Variants in TEX15 observed in about 807,000 individuals in gnomAD.
The protein encoded by TEX15 is testis expressed 15, meiosis and synapsis associated.
A neutral mutation model predicts 237.3 loss-of-function variants in TEX15; 171 were observed. The ratio of observed to expected loss-of-function variants is 0.72; its 90% CI spans 0.64 to 0.82. The LOEUF (loss-of-function observed/expected upper bound fraction) is 0.82, where lower values mean the gene tolerates loss of function less well. TEX15 is among the 40% of genes least tolerant of loss of function. TEX15 has a pLI of 0.00. For missense variants in TEX15, 3,750 were observed against 3,646.5 expected, an observed-to-expected ratio of 1.03 and a Z score of -0.73; for synonymous variants, 1,338 against 1,269.8, an observed-to-expected ratio of 1.05 and a Z score of -1.14.
chr8:30,846,153 A>G lies in TEX15; in HGVS notation c.4014T>C (p.Cys1338=), dbSNP rs1443770341. The change falls in exon 8 of 11, where the codon TGT becomes TGC. Residue 1338 remains cysteine, a synonymous_variant. Transcript: ENST00000643185. ...TTCGTCCTTGGGATAATGAAGAGAA[A>G]CACTCAGATGAGTCTTGACTGGTTA... is the stretch of plus-strand genomic sequence containing the variant. ...RRLTSQDSSE[C]FSSLSQGRIK... is the part of the protein sequence containing the mutation. 1 of 1,613,404 alleles carries G rather than the reference A, an allele frequency of 6.2e-7. No individual in the cohort carries two copies. Among genetic ancestry groups the G allele is most frequent in the Middle Eastern group, 1.6e-4 (1 of 6,082 alleles).
At chr8:30,882,769 T>A (rs1210834469) in intron 3 of TEX15, among the ~76,000 whole-genome samples, 2 of 152,230 alleles carry the variant, frequency 1.3e-5, no homozygotes, top group Middle Eastern at 3.2e-3. Flanking sequence ...ATTTTCTGAT[T>A]AGTTTTATCA....
rs750714621 is a variant in TEX15 at position 30,847,687 on chromosome 8, GTTTC to G, written c.2476_2479del (p.Glu826LeufsTer19). The G allele has an allele frequency of 1.2e-6, 2 of 1,613,824 alleles. No individual in the cohort carries two copies. The highest frequency in any genetic ancestry group is 8.5e-7 in the Non-Finnish European group (1 of 1,179,902). Reference sequence around the variant, plus strand: ...CTGACCCCTATCTTCAACATAAGCAGTTTCTTTATAGTCTCTCTGAATGTTCTCT... The same window carrying G: ...CTGACCCCTATCTTCAACATAAGCAGTTTATAGTCTCTCTGAATGTTCTCT... On this transcript the variant is annotated frameshift_variant, in exon 8 of 11. Coordinates refer to ENST00000643185, the MANE Select transcript of TEX15 (RefSeq NM_001350162.2). LOFTEE classifies it high-confidence loss of function.
Position 30,844,895 on chromosome 8 carries a change from C to T in TEX15, c.5272G>A (p.Glu1758Lys). Residue 1758 changes from glutamate (E) to lysine (K), a missense_variant, in exon 8 of 11, where the codon GAG (glutamate) becomes AAG (lysine). Physicochemically the swap from Glu to Lys is moderately conservative, Grantham distance 56. Transcript: ENST00000643185. ...FAASSTVPHC[E>K]QSCREKELLK... ...AGCTCTTTTTCTCTACAGCTCTGCT[C>T]ACAGTGTGGTACAGTACTGGATGCT... The T allele has an allele frequency of 1.9e-6, 3 of 1,613,454 alleles. No individual in the cohort carries two copies. The highest frequency in any genetic ancestry group is 2.5e-6 in the Non-Finnish European group (3 of 1,179,560).
chr8:30,841,655 T>C (rs1260085266), intron 8 of TEX15, among the ~76,000 whole-genome samples: 2 of 152,214 alleles, frequency 1.3e-5, no homozygotes, highest in Non-Finnish European at 2.9e-5. Context: ...ATAGGCTTGT[T>C]ATACAGAAAA....
chr8:30,901,700 T>A (rs1384365611), intron 1 of TEX15, among the ~76,000 whole-genome samples: 4 of 152,206 alleles, frequency 2.6e-5, no homozygotes, highest in African/African-American at 9.7e-5. Flanking sequence ...ATCAGTGTGG[T>A]AAGAGTTGGG....
At chr8:30,874,363 T>A (rs988483555) in intron 4 of TEX15, among the ~76,000 whole-genome samples, 1 of 152,216 alleles carries the variant, frequency 6.6e-6, no homozygotes, top group African/African-American at 2.4e-5. Flanking sequence ...TCTATACCTA[T>A]AATTAAAAAT....
chr8:30,888,650 G>A lies in TEX15; in HGVS notation c.-9-1339C>T, dbSNP rs973560593. ...ATTTTTCGTACCATTTCGTAACATG[G>A]TTGATGGCCCTCCTGACACCTATCA... On this transcript the variant is annotated intron_variant, in intron 2 of 10. Transcript: ENST00000643185. 5 of 1,289,414 alleles carry A rather than the reference G, an allele frequency of 3.9e-6. No individual in the cohort carries two copies. The East Asian group carries it at 2.8e-4, about 71-fold the overall frequency. 79.9% of individuals were successfully genotyped at this position (1,289,414 alleles called of 1,614,324 possible).
At chr8:30,900,024 G>A (rs943360276) in intron 1 of TEX15, among the ~76,000 whole-genome samples, 7 of 152,126 alleles carry the variant, frequency 4.6e-5, no homozygotes, top group Non-Finnish European at 8.8e-5. Flanking sequence ...CAAAATTTGA[G>A]ATTTACTCCA....
intron 9 of TEX15, among the ~76,000 whole-genome samples, chr8:30,839,065 C>T (rs542616964): frequency 3.9e-5 from 6 of 152,152 alleles, no homozygotes; most frequent in African/African-American, 1.4e-4. Context: ...ATCCGCCCGC[C>T]TTGGCCTCCC....
chr8:30,866,087 A>C (rs924194567), intron 5 of TEX15, among the ~76,000 whole-genome samples: 2 of 152,148 alleles, frequency 1.3e-5, no homozygotes, highest in Non-Finnish European at 2.9e-5. Flanking sequence ...AAATTCAGTA[A>C]AGTTGCAGGA....
In TEX15 at chr8:30,842,724, A is replaced by C; in HGVS notation, c.7443T>G (p.Leu2481=). The C allele has an allele frequency of 6.2e-7, 1 of 1,613,548 alleles. No homozygotes were observed. The highest frequency in any genetic ancestry group is 8.5e-7 in the Non-Finnish European group (1 of 1,179,802). The change falls in exon 8 of 11, where the codon CTT becomes CTG. Residue 2481 remains leucine, a synonymous_variant. Transcript: ENST00000643185. ...FRGMLWFDLS[L]LPELVQCQEK... The stretch of plus-strand genomic sequence containing the variant: ...CTTGGCACTGAACCAGCTCAGGAAG[A>C]AGTGACAAATCAAACCAAAGCATAC...
rs776064338 is a variant in TEX15, at chr8:30,842,094, G to A, written c.8073C>T (p.Ser2691=). ...SECINKNISN[S]SKKRPSTVDK... ...CTACAGTGCTCGGTCGTTTTTTAGA[G>A]GAATTTGAGATGTTTTTGTTTATGC... Residue 2691 remains serine, a synonymous_variant, in exon 8 of 11, where the codon TCC becomes TCT. Coordinates refer to ENST00000643185, the MANE Select transcript of TEX15 (RefSeq NM_001350162.2). 2 of 1,613,586 alleles carry A rather than the reference G, an allele frequency of 1.2e-6. No homozygotes were observed. The highest frequency in any genetic ancestry group is 4.5e-5 in the East Asian group (2 of 44,810).
chr8:30,893,944 A>G (rs1375537360), intron 2 of TEX15, among the ~76,000 whole-genome samples: 5 of 152,040 alleles, frequency 3.3e-5, no homozygotes, highest in Admixed American at 3.3e-4. Context: ...TTCTATCTTT[A>G]TTCTTCATGT....
Position 30,842,473 on chromosome 8 carries a change from T to C in TEX15, c.7694A>G (p.Tyr2565Cys). Residue 2565 changes from tyrosine to cysteine, a missense_variant, in exon 8 of 11, where the codon TAT (tyrosine) becomes TGT (cysteine). Physicochemically the swap from Tyr to Cys is radical, Grantham distance 194 (BLOSUM62 -2). Coordinates refer to ENST00000643185, the MANE Select transcript of TEX15 (RefSeq NM_001350162.2). Reference protein sequence around the residue: ...LKKSKYFISTYIDFVPYIASI... With the variant: ...LKKSKYFISTCIDFVPYIASI... Reference sequence around the variant, plus strand: ...TGCTATATATGGCACAAAGTCAATATATGTGGAAATAAAATACTTGGACTT... The same window carrying C: ...TGCTATATATGGCACAAAGTCAATACATGTGGAAATAAAATACTTGGACTT... 1.9e-6 allele frequency: 3 copies of C among 1,613,270 alleles called. No individual in the cohort carries two copies. Among genetic ancestry groups the C allele is most frequent in the Non-Finnish European group, 2.5e-6 (3 of 1,179,800 alleles).
intron 7 of TEX15, among the ~76,000 whole-genome samples, chr8:30,855,312 T>A (rs151252016): frequency 6.7e-6 from 1 of 149,380 alleles, no homozygotes; most frequent in African/African-American, 2.6e-5. Context: ...AATACACTAA[T>A]AAAATAAATA....
chr8:30,849,690 C>T (rs1260209273), intron 7 of TEX15, among the ~76,000 whole-genome samples: 1 of 151,894 alleles, frequency 6.6e-6, no homozygotes, highest in East Asian at 1.9e-4. Context: ...ATCATGAGGT[C>T]AGGAGTTCGA....
chr8:30,843,628 A>C lies in TEX15; in HGVS notation c.6539T>G (p.Met2180Arg). Residue 2180 changes from methionine (M) to arginine (R), a missense_variant, in exon 8 of 11, where the codon ATG becomes AGG. Transcript: ENST00000643185. Reference sequence around the variant, plus strand: ...ATCAAAGCAATCGGAACAATGCTCCATTATGGCTTCACATTCATTAACCTG... The same window carrying C: ...ATCAAAGCAATCGGAACAATGCTCCCTTATGGCTTCACATTCATTAACCTG... ...KRQVNECEAI[M>R]EHCSDCFDFS... 6.2e-7 allele frequency: 1 copy of C among 1,612,940 alleles called. No homozygotes were observed. The highest frequency in any genetic ancestry group is 8.5e-7 in the Non-Finnish European group (1 of 1,179,706).
chr8:30,888,523 C>G, intron 2 of TEX15: 1 of 870,936 alleles, frequency 1.1e-6, no homozygotes, highest in Non-Finnish European at 1.6e-6. Flanking sequence ...CAACCTCCAT[C>G]CCCTGCCAAA....
intron 4 of TEX15, among the ~76,000 whole-genome samples, chr8:30,868,724 C>T (rs1299902651): frequency 6.6e-6 from 1 of 151,906 alleles, no homozygotes; most frequent in Non-Finnish European, 1.5e-5. Flanking sequence ...ATTCCGTGAA[C>T]CACTAAGATC....
Sources: gnomAD v4.1 joint callset for allele counts (sites outside exome capture counted in the v4.1 genomes callset) on GRCh38, gnomAD v4.1.1 for gene constraint, MANE v1.5 for transcripts, NCBI Gene and HGNC (gene_info 2026-07-23, HGNC 2026-07-21) for gene names.